The following MARCHF8 variants were observed in gnomAD, a reference collection of about 807,000 sequenced individuals.
MARCHF8 encodes the protein membrane associated ring-CH-type finger 8, also known as E3 ubiquitin-protein ligase MARCHF8.
MARCHF8 carries 40 observed loss-of-function variants against 51.6 expected under a neutral mutation model. That is an observed-to-expected ratio of 0.77 (90% CI 0.60 to 1.01). The LOEUF is 1.01. Ranked by LOEUF, MARCHF8 falls within the 50% of genes least tolerant of loss-of-function variation. The pLI is 0.00. For missense variants in MARCHF8, 685 were observed against 708.6 expected, an observed-to-expected ratio of 0.97 and a Z score of 0.38; for synonymous variants, 263 against 280.3, an observed-to-expected ratio of 0.94 and a Z score of 0.62.
In MARCHF8 at chr10:45,509,441, C is replaced by A. The variant is rs74612099; in HGVS notation, c.103-20024G>T. 2.4e-4 allele frequency among the ~76,000 whole-genome samples: 36 copies of A among 152,312 alleles called. No homozygotes were observed. In the East Asian group the frequency reaches 6.7e-3, roughly 29 times the overall value. On this transcript the variant is annotated intron_variant, in intron 2 of 7. Transcript: ENST00000453424. Reference sequence around the variant, plus strand: ...AAACATCTTATTCTCCCTGCTTGAGCCCTCCAAAGTTCAGAAACGTAATAA... The same window carrying A: ...AAACATCTTATTCTCCCTGCTTGAGACCTCCAAAGTTCAGAAACGTAATAA...
intron 2 of MARCHF8, among the ~76,000 whole-genome samples, chr10:45,531,106 C>T (rs1368005411): frequency 6.6e-6 from 1 of 151,984 alleles, no homozygotes; most frequent in African/African-American, 2.4e-5. Context: ...GAAAAAATAA[C>T]CTTAAAAAAT....
In MARCHF8 at chr10:45,458,374, C is replaced by A; in HGVS notation, c.1587G>T (p.Lys529Asn). The A allele has an allele frequency of 1.2e-6, 2 of 1,614,046 alleles. No homozygotes were observed. The highest frequency in any genetic ancestry group is 1.3e-5 in the African/African-American group (1 of 75,022). ...TTAGTGGAGATTTTTCAAAAATATT[C>A]TTTTTGCTTGTTTCTGGACAGTTTT... Reference protein sequence around the residue: ...YVQNCPETSKKNIFEKSPLTE... With the variant: ...YVQNCPETSKNNIFEKSPLTE... Residue 529 changes from lysine (K) to asparagine (N), a missense_variant, in exon 8 of 8, where the codon AAG becomes AAT. Lys to Asn is a moderately conservative substitution (Grantham distance 94, BLOSUM62 0). Coordinates refer to ENST00000453424, the MANE Select transcript of MARCHF8 (RefSeq NM_001282866.2).
intron 2 of MARCHF8, among the ~76,000 whole-genome samples, chr10:45,506,004 A>G (rs989117166): frequency 3.3e-5 from 5 of 152,212 alleles, no homozygotes; most frequent in Non-Finnish European, 5.9e-5. Flanking sequence ...TTGTCTTTCA[A>G]TGTGTGAAGG....
At chr10:45,562,349 G>C (rs2044319978) in intron 1 of MARCHF8, among the ~76,000 whole-genome samples, 1 of 152,136 alleles carries the variant, frequency 6.6e-6, no homozygotes, top group African/African-American at 2.4e-5. Context: ...AGACTCACAG[G>C]CATTGTGGTA....
In MARCHF8 at chr10:45,478,701, A is replaced by G. The variant is rs182987235; in HGVS notation, c.153+10666T>C. On this transcript the variant is annotated intron_variant, in intron 3 of 7. Transcript: ENST00000453424. ...TGAAATGAAAAAGGAGACATTACAA[A>G]TAACACAGAAATACAAAAGATCATC... is the stretch of plus-strand genomic sequence containing the variant. 5.3e-5 allele frequency among the ~76,000 whole-genome samples: 8 copies of G among 152,276 alleles called. No homozygotes were observed. In the East Asian group the frequency reaches 1.3e-3, roughly 26 times the overall value.
intron 3 of MARCHF8, among the ~76,000 whole-genome samples, chr10:45,478,587 T>C (rs996822410): frequency 5.0e-4 from 71 of 141,818 alleles, no homozygotes; most frequent in African/African-American, 1.7e-3. Context: ...AAAAGATCAA[T>C]GAAACAAAAA....
intron 5 of MARCHF8, 126 bp from the exon 6 acceptor site, chr10:45,461,537 C>T (rs1405894611): frequency 6.2e-6 from 4 of 643,038 alleles, no homozygotes; most frequent in Non-Finnish European, 9.1e-6. Context: ...ACTATGGGCA[C>T]AAAAACATAC....
intron 1 of MARCHF8, among the ~76,000 whole-genome samples, chr10:45,578,741 G>C (rs973218764): frequency 1.3e-5 from 2 of 151,896 alleles, no homozygotes; most frequent in South Asian, 2.1e-4. Context: ...CTCCTAATAT[G>C]CTGCACTGAG....
intron 6 of MARCHF8, 114 bp downstream of exon 6, chr10:45,461,117 C>T (rs1268302998): frequency 2.8e-6 from 2 of 710,264 alleles, no homozygotes; most frequent in Non-Finnish European, 4.2e-6. Flanking sequence ...AAGCACCAGC[C>T]CCAGCTTTTT....
intron 3 of MARCHF8, among the ~76,000 whole-genome samples, chr10:45,468,799 C>T (rs1046511190): frequency 9.9e-5 from 15 of 152,124 alleles, no homozygotes; most frequent in African/African-American, 3.1e-4. Flanking sequence ...AATGAGATAC[C>T]ATTATCAGCC....
At chr10:45,525,131 T>C (rs1332532934) in intron 2 of MARCHF8, among the ~76,000 whole-genome samples, 2 of 152,198 alleles carry the variant, frequency 1.3e-5, no homozygotes, top group Non-Finnish European at 2.9e-5. Context: ...GGTCATTTTT[T>C]CAAAAGATGT....
intron 1 of MARCHF8, among the ~76,000 whole-genome samples, chr10:45,590,505 T>C (rs2044665760): frequency 6.6e-6 from 1 of 152,162 alleles, no homozygotes; most frequent in African/African-American, 2.4e-5. Flanking sequence ...TTGTATCTAG[T>C]AGTTACTGGT....
chr10:45,475,624 C>CT (rs1217455617), intron 3 of MARCHF8, among the ~76,000 whole-genome samples: 2 of 152,158 alleles, frequency 1.3e-5, no homozygotes, highest in African/African-American at 2.4e-5. Context: ...CCGCAAACTG[C>CT]TTGGGAGCCA....
chr10:45,489,597 T>C (rs2043046460), intron 2 of MARCHF8, among the ~76,000 whole-genome samples, 180 bp from the exon 3 acceptor site: 2 of 152,042 alleles, frequency 1.3e-5, no homozygotes, highest in African/African-American at 2.4e-5. Flanking sequence ...TTGGGCAAAA[T>C]GAATACACAA....
At chr10:45,521,003 G>A (rs987369405) in intron 2 of MARCHF8, among the ~76,000 whole-genome samples, 3 of 152,046 alleles carry the variant, frequency 2.0e-5, no homozygotes, top group Non-Finnish European at 4.4e-5. Flanking sequence ...ACCCATCGTA[G>A]CAACTAAACC....
intron 1 of MARCHF8, among the ~76,000 whole-genome samples, chr10:45,551,272 T>C (rs532280068): frequency 2.0e-4 from 31 of 152,288 alleles, no homozygotes; most frequent in African/African-American, 7.2e-4. Context: ...CACATAACAT[T>C]ATCATAAGTC....
chr10:45,561,843 G>A (rs1164858327), intron 1 of MARCHF8, among the ~76,000 whole-genome samples: 2 of 147,184 alleles, frequency 1.4e-5, no homozygotes, highest in Non-Finnish European at 3.0e-5. Context: ...AGAGCTTGCA[G>A]TGAGCCAAGA....
chr10:45,511,903 T>C (rs1200896017), intron 2 of MARCHF8, among the ~76,000 whole-genome samples: 1 of 139,484 alleles, frequency 7.2e-6, no homozygotes, highest in South Asian at 2.4e-4. Context: ...TCTGCCTGGC[T>C]GCCCAGTCTG....
chr10:45,547,054 CT>C (rs34093781), intron 1 of MARCHF8, among the ~76,000 whole-genome samples: 9,376 of 152,102 alleles, frequency 0.062, 329 homozygotes, highest in Non-Finnish European at 0.066. Context: ...AAGACCTTGT[CT>C]CCCCACCAAA....
Sources: gnomAD v4.1 joint callset for allele counts (sites outside exome capture counted in the v4.1 genomes callset) on GRCh38, gnomAD v4.1.1 for gene constraint, MANE v1.5 for transcripts, NCBI Gene and HGNC (gene_info 2026-07-23, HGNC 2026-07-21) for gene names.